Variants in ADAMTSL1 observed in about 807,000 individuals in gnomAD.
ADAMTSL1 encodes ADAMTS like 1.
In ADAMTSL1, 126 loss-of-function variants were observed where a neutral mutation model predicts 201.8. The ratio of observed to expected loss-of-function variants is 0.62; its 90% CI spans 0.54 to 0.72. ADAMTSL1 has a LOEUF of 0.72. ADAMTSL1 is among the 30% of genes least tolerant of loss of function. The probability of loss-of-function intolerance (pLI) is 0.00; values close to 1 mark genes in which losing one functional copy is unlikely to be tolerated. For missense variants in ADAMTSL1, 2,679 were observed against 2,277.8 expected (o/e 1.18, Z -3.59); for synonymous variants, 1,121 against 903.4 (o/e 1.24, Z -4.32).
chr9:18,234,691 C>T (rs1830771009), intron 2 of ADAMTSL1, among the ~76,000 whole-genome samples: 1 of 151,944 alleles, frequency 6.6e-6, no homozygotes, highest in African/African-American at 2.4e-5. Flanking sequence ...GAAATTCAAC[C>T]AAACACCTCT....
At chr9:17,978,294 G>C (rs1244683564) in intron 1 of ADAMTSL1, among the ~76,000 whole-genome samples, 1 of 151,976 alleles carries the variant, frequency 6.6e-6, no homozygotes, top group African/African-American at 2.4e-5. Flanking sequence ...CATTTCAAGT[G>C]ATTATCAATA....
intron 2 of ADAMTSL1, among the ~76,000 whole-genome samples, chr9:18,261,717 G>C (rs899669378): frequency 1.3e-5 from 2 of 152,084 alleles, no homozygotes; most frequent in African/African-American, 4.8e-5. Context: ...AGCTGCTGTG[G>C]GCTTACACTG....
intron 2 of ADAMTSL1, among the ~76,000 whole-genome samples, chr9:18,254,530 C>G (rs1023673589): frequency 2.0e-5 from 3 of 151,348 alleles, no homozygotes; most frequent in African/African-American, 7.3e-5. Context: ...GCCCGGCTAA[C>G]TTTTTTGTAT....
At chr9:18,003,177 C>T (rs72697446) in intron 1 of ADAMTSL1, among the ~76,000 whole-genome samples, 2 of 152,172 alleles carry the variant, frequency 1.3e-5, no homozygotes, top group Non-Finnish European at 2.9e-5. Context: ...CTTCCAGGCT[C>T]ATCCTGGAGT....
intron 1 of ADAMTSL1, among the ~76,000 whole-genome samples, chr9:17,932,330 G>C (rs540561805): frequency 6.6e-6 from 1 of 152,270 alleles, no homozygotes; most frequent in Non-Finnish European, 1.5e-5. Context: ...GAGGGTCCCG[G>C]GTATGGAGCA....
At chr9:18,307,260 G>A (rs753622693) in intron 2 of ADAMTSL1, among the ~76,000 whole-genome samples, 5 of 152,050 alleles carry the variant, frequency 3.3e-5, no homozygotes, top group African/African-American at 4.8e-5. Flanking sequence ...TGTAAAGACC[G>A]TTGATAGTAT....
intron 2 of ADAMTSL1, among the ~76,000 whole-genome samples, chr9:18,460,748 C>A (rs1820778619): frequency 6.6e-6 from 1 of 152,176 alleles, no homozygotes; most frequent in South Asian, 2.1e-4. Context: ...CCATGAGAAG[C>A]CTCCAAGACA....
chr9:18,852,830 T>C (rs1826584837), intron 23 of ADAMTSL1, among the ~76,000 whole-genome samples: 1 of 152,126 alleles, frequency 6.6e-6, no homozygotes, highest in African/African-American at 2.4e-5. Context: ...ATAAAAACAG[T>C]TTGTAAACTG....
At chr9:18,402,276 G>A (rs147396550) in intron 2 of ADAMTSL1, among the ~76,000 whole-genome samples, 20 of 152,122 alleles carry the variant, frequency 1.3e-4, no homozygotes, top group African/African-American at 4.8e-4. Context: ...CTTGTACTTT[G>A]CGCTTCTCAT....
At chr9:18,438,287 A>C (rs535073942) in intron 2 of ADAMTSL1, among the ~76,000 whole-genome samples, 1 of 152,130 alleles carries the variant, frequency 6.6e-6, no homozygotes. Context: ...TATCAACAGA[A>C]CTTGTTATTT....
At chr9:17,977,249 T>C (rs1420855294) in intron 1 of ADAMTSL1, among the ~76,000 whole-genome samples, 1 of 152,100 alleles carries the variant, frequency 6.6e-6, no homozygotes, top group Admixed American at 6.6e-5. Flanking sequence ...ATGATTTTTA[T>C]GTCTATGTTC....
At chr9:18,802,864 C>G (rs1337393542) in intron 20 of ADAMTSL1, among the ~76,000 whole-genome samples, 1 of 152,192 alleles carries the variant, frequency 6.6e-6, no homozygotes, top group Non-Finnish European at 1.5e-5. Context: ...TTCTCACCAA[C>G]AGTTGTTTTC....
chr9:18,012,074 G>T (rs1029354992), intron 1 of ADAMTSL1, among the ~76,000 whole-genome samples: 2 of 152,010 alleles, frequency 1.3e-5, no homozygotes, highest in African/African-American at 4.8e-5. Flanking sequence ...AAACAGGTTT[G>T]CCCTGGCAAA....
At chr9:18,686,755 C>G (rs557695373) in intron 13 of ADAMTSL1, among the ~76,000 whole-genome samples, 34 of 152,132 alleles carry the variant, frequency 2.2e-4, no homozygotes, top group Non-Finnish European at 3.5e-4. Flanking sequence ...CATCTTACAT[C>G]GATAAGCATC....
At chr9:18,380,566 G>C (rs1426804012) in intron 2 of ADAMTSL1, among the ~76,000 whole-genome samples, 3 of 151,910 alleles carry the variant, frequency 2.0e-5, no homozygotes, top group Non-Finnish European at 4.4e-5. Context: ...TTACTCTTCT[G>C]GTCATCCCAT....
At chr9:18,260,546 G>T (rs571488652) in intron 2 of ADAMTSL1, among the ~76,000 whole-genome samples, 31 of 152,332 alleles carry the variant, frequency 2.0e-4, no homozygotes, top group African/African-American at 6.0e-4. Context: ...CACCAGTCAG[G>T]CTCACCATTG....
chr9:18,322,280 T>C (rs189414693), intron 2 of ADAMTSL1, among the ~76,000 whole-genome samples: 7 of 152,126 alleles, frequency 4.6e-5, no homozygotes, highest in Admixed American at 2.0e-4. Context: ...ACCAATTATA[T>C]AGAAAAAAAT....
chr9:17,945,258 A>G (rs981846184), intron 1 of ADAMTSL1, among the ~76,000 whole-genome samples: 1 of 137,514 alleles, frequency 7.3e-6, no homozygotes, highest in African/African-American at 2.8e-5. Flanking sequence ...AATCAAAACC[A>G]CAATGAGATA....
At chr9:18,640,807 T>A (rs1827389533) in intron 7 of ADAMTSL1, among the ~76,000 whole-genome samples, 1 of 152,070 alleles carries the variant, frequency 6.6e-6, no homozygotes, top group Non-Finnish European at 1.5e-5. Flanking sequence ...TTGCTGCCAC[T>A]GCGTTAGCGC....
Sources: allele counts gnomAD v4.1 joint callset (sites outside exome capture counted in the v4.1 genomes callset), GRCh38; gene constraint gnomAD v4.1.1; transcripts MANE v1.5; gene names NCBI Gene and HGNC (gene_info 2026-07-23, HGNC 2026-07-21).